LINGO2: variants seen among roughly 807,000 people sequenced by gnomAD.
LINGO2 encodes leucine rich repeat and Ig domain containing 2, also known as leucine-rich repeat and immunoglobulin-like domain-containing nogo receptor-interacting protein 2.
LINGO2 carries 14 observed loss-of-function variants against 30.6 expected under a neutral mutation model. That is an observed-to-expected ratio of 0.46 (90% CI 0.30 to 0.72). LINGO2 has a LOEUF of 0.72. Ranked by LOEUF, LINGO2 falls within the 30% of genes least tolerant of loss-of-function variation. LINGO2 has a pLI of 0.07. For missense variants in LINGO2, 729 were observed against 751.7 expected (o/e 0.97, Z 0.35); for synonymous variants, 317 against 288.5 (o/e 1.10, Z -1.00).
the LINGO2 span, among the ~76,000 whole-genome samples, chr9:28,992,079 T>A: frequency 6.6e-6 from 1 of 152,150 alleles, no homozygotes; most frequent in African/African-American, 2.4e-5. Context: ...GCAAGTTGGA[T>A]AAAGACTCAA....
intron 4 of LINGO2, among the ~76,000 whole-genome samples, chr9:28,149,532 C>T (rs895867398): frequency 8.7e-5 from 13 of 149,526 alleles, no homozygotes; most frequent in African/African-American, 2.2e-4. Flanking sequence ...AAGTGAGGAG[C>T]GCCTCTGCCC....
At chr9:29,204,858 C>T in the LINGO2 span, among the ~76,000 whole-genome samples, 1 of 152,094 alleles carries the variant, frequency 6.6e-6, no homozygotes, top group South Asian at 2.1e-4. Flanking sequence ...TGATAGCATA[C>T]ATTCTTACAT....
chr9:28,005,547 ATAT>A (rs1822222128), intron 5 of LINGO2, among the ~76,000 whole-genome samples: 1 of 151,756 alleles, frequency 6.6e-6, no homozygotes, highest in Admixed American at 6.6e-5. Context: ...TTCCAAATTG[ATAT>A]ACTTATTTTT....
intron 1 of LINGO2, among the ~76,000 whole-genome samples, chr9:28,570,114 T>C (rs1823607664): frequency 6.6e-6 from 1 of 151,834 alleles, no homozygotes; most frequent in Non-Finnish European, 1.5e-5. Context: ...AACAGACATA[T>C]GTGGCCAAAA....
intron 1 of LINGO2, among the ~76,000 whole-genome samples, chr9:28,500,331 T>A (rs1819834471): frequency 6.6e-6 from 1 of 152,146 alleles, no homozygotes; most frequent in Admixed American, 6.5e-5. Flanking sequence ...GTCTTTGTAA[T>A]CAGAAGCTGT....
chr9:28,564,767 T>C (rs2135566081), intron 1 of LINGO2, among the ~76,000 whole-genome samples: 2 of 152,274 alleles, frequency 1.3e-5, no homozygotes, highest in Middle Eastern at 3.4e-3. Flanking sequence ...TGTGTGTCAC[T>C]TTACACTTAA....
chr9:28,054,767 G>T (rs1046358182), intron 4 of LINGO2, among the ~76,000 whole-genome samples: 2 of 151,840 alleles, frequency 1.3e-5, no homozygotes, highest in African/African-American at 4.8e-5. Context: ...TATTATAAGT[G>T]ATCATATTCC....
the LINGO2 span, among the ~76,000 whole-genome samples, chr9:28,801,815 C>T: frequency 6.6e-6 from 1 of 151,988 alleles, no homozygotes; most frequent in African/African-American, 2.4e-5. Context: ...GTAGAACAGC[C>T]AGAAGTAGTA....
chr9:28,607,605 A>G (rs1255955032), intron 1 of LINGO2, among the ~76,000 whole-genome samples: 1 of 151,996 alleles, frequency 6.6e-6, no homozygotes, highest in Non-Finnish European at 1.5e-5. Flanking sequence ...CTCTCATGCT[A>G]TAGATAAGAG....
chr9:28,134,867 C>G (rs1827472187), intron 4 of LINGO2, among the ~76,000 whole-genome samples: 1 of 152,192 alleles, frequency 6.6e-6, no homozygotes, highest in South Asian at 2.1e-4. Context: ...GGGCTGGCAG[C>G]AGAAACTACT....
chr9:27,970,141 G>A (rs1350991781), intron 5 of LINGO2, among the ~76,000 whole-genome samples: 2 of 152,138 alleles, frequency 1.3e-5, no homozygotes, highest in Non-Finnish European at 2.9e-5. Context: ...AGTGACCATA[G>A]ACTATACCAC....
chr9:28,111,801 T>A (rs1341185231), intron 4 of LINGO2, among the ~76,000 whole-genome samples: 1 of 152,168 alleles, frequency 6.6e-6, no homozygotes, highest in Non-Finnish European at 1.5e-5. Flanking sequence ...CAAGGGCTTT[T>A]AGAGTCACAC....
chr9:28,521,899 G>A (rs149413175), intron 1 of LINGO2, among the ~76,000 whole-genome samples: 3 of 152,272 alleles, frequency 2.0e-5, no homozygotes, highest in African/African-American at 7.2e-5. Flanking sequence ...AATTATGTGG[G>A]CACAAGCCAA....
At chr9:27,956,101 T>C (rs1197619185) in intron 5 of LINGO2, among the ~76,000 whole-genome samples, 1 of 152,034 alleles carries the variant, frequency 6.6e-6, no homozygotes, top group East Asian at 1.9e-4. Flanking sequence ...CCACCATGCC[T>C]GGCTAATTTT....
the LINGO2 span, among the ~76,000 whole-genome samples, chr9:28,920,512 G>A: frequency 2.6e-5 from 4 of 152,116 alleles, no homozygotes; most frequent in African/African-American, 9.7e-5. Context: ...AATGTGGCTA[G>A]AAACTATCAT....
chr9:28,425,796 T>C (rs2134909385), intron 2 of LINGO2, among the ~76,000 whole-genome samples: 1 of 152,214 alleles, frequency 6.6e-6, no homozygotes, highest in African/African-American at 2.4e-5. Context: ...ATCAAATATG[T>C]TATCACACCG....
At chr9:28,275,353 G>A (rs1215308142) in intron 4 of LINGO2, among the ~76,000 whole-genome samples, 3 of 152,026 alleles carry the variant, frequency 2.0e-5, no homozygotes, top group South Asian at 2.1e-4. Context: ...GATTACAGGC[G>A]TGAGCCACCA....
chr9:28,964,611 A>C, the LINGO2 span, among the ~76,000 whole-genome samples: 8 of 152,056 alleles, frequency 5.3e-5, no homozygotes, highest in East Asian at 1.5e-3. Context: ...TTCTAGTTTT[A>C]AACAGATCAT....
the LINGO2 span, among the ~76,000 whole-genome samples, chr9:28,682,436 T>C: frequency 1.3e-5 from 2 of 152,166 alleles, no homozygotes; most frequent in African/African-American, 4.8e-5. Flanking sequence ...AAAGTCTTGA[T>C]TCATTTTTGT....
Sources: gnomAD v4.1 joint callset for allele counts (sites outside exome capture counted in the v4.1 genomes callset) on GRCh38, gnomAD v4.1.1 for gene constraint, MANE v1.5 for transcripts, NCBI Gene and HGNC (gene_info 2026-07-23, HGNC 2026-07-21) for gene names.